Variants in ATF7IP observed in about 807,000 individuals in gnomAD.
ATF7IP encodes the protein activating transcription factor 7 interacting protein, also known as activating transcription factor 7-interacting protein 1.
In ATF7IP, 23 loss-of-function variants were observed where a neutral mutation model predicts 106.4. That is an observed-to-expected ratio of 0.22 (90% CI 0.16 to 0.31). ATF7IP has a LOEUF of 0.31. Ranked by LOEUF, ATF7IP falls within the 10% of genes least tolerant of loss-of-function variation. The pLI is 1.00. For missense variants in ATF7IP, 1,334 were observed against 1,524.3 expected (o/e 0.88, Z 2.08); for synonymous variants, 542 against 539.0 (o/e 1.01, Z -0.08).
intron 1 of ATF7IP, among the ~76,000 whole-genome samples, chr12:14,378,505 C>T (rs1938857706): frequency 6.6e-6 from 1 of 152,118 alleles, no homozygotes; most frequent in Non-Finnish European, 1.5e-5. Flanking sequence ...TCCCTGATCT[C>T]TGAGGGGGAA....
intron 1 of ATF7IP, among the ~76,000 whole-genome samples, chr12:14,378,279 G>A (rs990355212): frequency 4.6e-5 from 7 of 151,830 alleles, no homozygotes; most frequent in Admixed American, 4.6e-4. Flanking sequence ...TGTATTTTAA[G>A]TAGAGATGGA....
At chr12:14,474,793 G>A (rs557571089) in intron 10 of ATF7IP, among the ~76,000 whole-genome samples, 7 of 152,078 alleles carry the variant, frequency 4.6e-5, no homozygotes, top group East Asian at 1.9e-4. Flanking sequence ...TTATTTTTTC[G>A]TCCTAAGTTA....
chr12:14,498,202 A>G lies in ATF7IP; in HGVS notation c.*129A>G, dbSNP rs886671545. 1 of 849,330 alleles carries G rather than the reference A, an allele frequency of 1.2e-6. No individual in the cohort carries two copies. The highest frequency in any genetic ancestry group is 1.9e-5 in the South Asian group (1 of 52,774). The allele number at this position is 849,330 out of a possible 1,614,324, so 52.6% of individuals were successfully genotyped here. On this transcript the variant is annotated 3_prime_UTR_variant, in exon 15 of 15. Coordinates refer to ENST00000261168, the MANE Select transcript of ATF7IP (RefSeq NM_018179.5). Reference sequence around the variant, plus strand: ...TCTTGGACAGATGTGTGTATACACTACATTTGTTTATAACCAGAAGCAAAA... The same window carrying G: ...TCTTGGACAGATGTGTGTATACACTGCATTTGTTTATAACCAGAAGCAAAA...
intron 13 of ATF7IP, among the ~76,000 whole-genome samples, chr12:14,495,303 A>C (rs1944980450): frequency 1.3e-5 from 2 of 152,226 alleles, no homozygotes; most frequent in African/African-American, 4.8e-5. Flanking sequence ...ATTAACCATC[A>C]CACATATGTT....
At chr12:14,395,932 A>G (rs1227813010) in intron 1 of ATF7IP, among the ~76,000 whole-genome samples, 2 of 151,866 alleles carry the variant, frequency 1.3e-5, no homozygotes, top group South Asian at 2.1e-4. Context: ...GTCATTTGTT[A>G]TTATTTTTTT....
chr12:14,398,034 A>G (rs1271834366), intron 1 of ATF7IP, among the ~76,000 whole-genome samples: 1 of 152,018 alleles, frequency 6.6e-6, no homozygotes, highest in Admixed American at 6.6e-5. Context: ...TTGTTACGTT[A>G]TTATGTTTTC....
intron 10 of ATF7IP, among the ~76,000 whole-genome samples, chr12:14,467,451 A>C (rs1249337262): frequency 6.6e-6 from 1 of 152,166 alleles, no homozygotes; most frequent in Non-Finnish European, 1.5e-5. Context: ...TAGAAATGTT[A>C]GCAGTCTTTG....
chr12:14,450,579 AT>A (rs1943166143), intron 6 of ATF7IP, among the ~76,000 whole-genome samples: 2 of 151,792 alleles, frequency 1.3e-5, no homozygotes, highest in African/African-American at 4.8e-5. Context: ...TTTCTTGAGG[AT>A]TTTTATATCA....
At position 14,385,417 on chromosome 12, in the gene ATF7IP, CT is replaced by C. The variant is rs1939177760; in HGVS notation, c.-8+19594del. ...GGACCAGAGGTAAGAACCAATTACTCTTTTATCTTAAACATTCTCATTTTTT... is the reference window on the plus strand; with the variant it reads ...GGACCAGAGGTAAGAACCAATTACTCTTTATCTTAAACATTCTCATTTTTT... On this transcript the variant is annotated intron_variant, in intron 1 of 14. Coordinates refer to ENST00000261168, the MANE Select transcript of ATF7IP (RefSeq NM_018179.5). 5 of 1,531,294 alleles carry C rather than the reference CT, an allele frequency of 3.3e-6. No homozygotes were observed. In the East Asian group the frequency reaches 1.2e-4, roughly 38 times the overall value. 94.9% of individuals were successfully genotyped at this position (1,531,294 alleles called of 1,614,324 possible). A position where few individuals can be genotyped will look rare whatever the true frequency, so the allele number is the denominator to read the frequency against.
Position 14,425,414 on chromosome 12 carries a change from A to G in ATF7IP, c.1499A>G (p.Asp500Gly), listed in dbSNP as rs1018608444. 1.2e-6 allele frequency: 2 copies of G among 1,600,058 alleles called. No homozygotes were observed. Among genetic ancestry groups the G allele is most frequent in the African/African-American group, 2.7e-5 (2 of 74,158 alleles). ...EAFLVLSDEE[D>G]ISGEKDESEV... ...TTTCTGGTCCTCTCTGATGAAGAGG[A>G]TATTTCGGGTGAAAAAGATGAGTCT... Residue 500 changes from aspartate to glycine, a missense_variant, in exon 2 of 15, where the codon GAT becomes GGT. Around this residue, in one of 10 missense-constraint regions of ATF7IP, gnomAD observed 119 missense variants for 117.8 expected, o/e 1.01. Transcript: ENST00000261168.
chr12:14,480,899 T>C, intron 12 of ATF7IP, 104 bp from the exon 13 acceptor site: 1 of 997,744 alleles, frequency 1.0e-6, no homozygotes, highest in East Asian at 2.4e-5. Flanking sequence ...TGTTTCTGTC[T>C]TTATTAGTTA....
Position 14,423,973 on chromosome 12 carries a change from G to A in ATF7IP, c.58G>A (p.Val20Met). 3 of 1,613,970 alleles carry A rather than the reference G, an allele frequency of 1.9e-6. No homozygotes were observed. ...CTTTAAGGCTCGAAAAACGATGAGA[G>A]TGAGTGATCGTCAGCAACTTGAAGC... ...KVFKARKTMR[V>M]SDRQQLEAVY... Residue 20 changes from valine to methionine, a missense_variant, in exon 2 of 15, where the codon GTG (valine) becomes ATG (methionine). By Grantham distance (21) the Val-to-Met change is conservative. This residue lies in a region of ATF7IP where 74 missense variants were observed against 101.9 expected (regional missense o/e 0.73). Coordinates refer to ENST00000261168, the MANE Select transcript of ATF7IP (RefSeq NM_018179.5).
At chr12:14,465,425 C>T (rs1319174337) in intron 9 of ATF7IP, among the ~76,000 whole-genome samples, 1 of 151,758 alleles carries the variant, frequency 6.6e-6, no homozygotes, top group African/African-American at 2.4e-5. Context: ...TATCTTAATA[C>T]TCCACTGTGT....
chr12:14,468,920 T>C (rs1282063960), intron 10 of ATF7IP, among the ~76,000 whole-genome samples: 1 of 152,224 alleles, frequency 6.6e-6, no homozygotes, highest in Non-Finnish European at 1.5e-5. Flanking sequence ...TACCCTAATG[T>C]GCACCTTGCT....
At chr12:14,451,505 C>G (rs1359836968) in intron 6 of ATF7IP, among the ~76,000 whole-genome samples, 1 of 151,670 alleles carries the variant, frequency 6.6e-6, no homozygotes, top group Non-Finnish European at 1.5e-5. Flanking sequence ...TGTGTTTTAC[C>G]ACTATAAACT....
chr12:14,390,430 C>T (rs1939481311), intron 1 of ATF7IP, among the ~76,000 whole-genome samples: 1 of 152,130 alleles, frequency 6.6e-6, no homozygotes, highest in Admixed American at 6.5e-5. Context: ...TAATTAGAAA[C>T]ATCTAAGTAC....
intron 1 of ATF7IP, among the ~76,000 whole-genome samples, chr12:14,384,043 CTT>C (rs371646492): frequency 6.6e-6 from 1 of 151,944 alleles, no homozygotes; most frequent in African/African-American, 2.4e-5. Flanking sequence ...ATTTAAAAAA[CTT>C]TTATTATGGA....
At chr12:14,374,988 T>C (rs1338210195) in intron 1 of ATF7IP, among the ~76,000 whole-genome samples, 1 of 152,146 alleles carries the variant, frequency 6.6e-6, no homozygotes, top group East Asian at 1.9e-4. Context: ...GACAATTTTT[T>C]AAGACAAATC....
At chr12:14,473,154 T>G (rs1231455602) in intron 10 of ATF7IP, among the ~76,000 whole-genome samples, 1 of 152,116 alleles carries the variant, frequency 6.6e-6, no homozygotes, top group Non-Finnish European at 1.5e-5. Flanking sequence ...GCTATTTGTT[T>G]TCTATTCATT....
Sources: allele counts gnomAD v4.1 joint callset (sites outside exome capture counted in the v4.1 genomes callset), GRCh38; gene constraint gnomAD v4.1.1; regional missense constraint gnomAD v4.1.1; transcripts MANE v1.5; gene names NCBI Gene and HGNC (gene_info 2026-07-23, HGNC 2026-07-21).